The following FMN1 variants were observed in gnomAD, a reference collection of about 807,000 sequenced individuals.
FMN1 encodes the protein formin-1.
In FMN1, 110 loss-of-function variants were observed where a neutral mutation model predicts 132.4. The observed-to-expected ratio is 0.83, with a 90% CI of 0.71 to 0.97. FMN1 has a LOEUF of 0.97. Ranked by LOEUF, FMN1 falls within the 50% of genes least tolerant of loss-of-function variation. The pLI is 0.00. For synonymous variants in FMN1, 722 were observed against 651.7 expected, an observed-to-expected ratio of 1.11 and a Z score of -1.64; for missense variants, 1,792 against 1,705.3, an observed-to-expected ratio of 1.05 and a Z score of -0.90.
At chr15:32,880,265 C>A (rs1567316810) in intron 16 of FMN1, among the ~76,000 whole-genome samples, 1 of 152,122 alleles carries the variant, frequency 6.6e-6, no homozygotes, top group African/African-American at 2.4e-5. Flanking sequence ...CCGCACATTT[C>A]CTCTTTCTCT....
chr15:32,925,187 A>G (rs191344653), intron 10 of FMN1, among the ~76,000 whole-genome samples: 98 of 152,370 alleles, frequency 6.4e-4, no homozygotes, highest in African/African-American at 2.3e-3. Context: ...AACCAAATGA[A>G]GGAAAGTATT....
intron 7 of FMN1, among the ~76,000 whole-genome samples, chr15:32,986,300 C>T (rs757898889): frequency 6.6e-6 from 1 of 152,076 alleles, no homozygotes; most frequent in Non-Finnish European, 1.5e-5. Flanking sequence ...AGCTTATATG[C>T]TTGAAAACAA....
intron 6 of FMN1, among the ~76,000 whole-genome samples, chr15:33,046,614 T>G (rs912781841): frequency 6.6e-6 from 1 of 152,198 alleles, no homozygotes; most frequent in Non-Finnish European, 1.5e-5. Context: ...TTCATAATTT[T>G]TCTTTGTGAT....
At chr15:32,985,846 T>C (rs140730951) in intron 7 of FMN1, among the ~76,000 whole-genome samples, 2 of 152,232 alleles carry the variant, frequency 1.3e-5, no homozygotes, top group Admixed American at 6.5e-5. Flanking sequence ...AAAATAAAGA[T>C]ATTAATATTG....
chr15:33,078,929 A>C (rs1401762511), intron 5 of FMN1, among the ~76,000 whole-genome samples: 2 of 152,202 alleles, frequency 1.3e-5, no homozygotes, highest in Non-Finnish European at 2.9e-5. Flanking sequence ...TGCAGACAGA[A>C]CCTTAAGCTT....
chr15:33,131,195 G>C, intron 4 of FMN1, among the ~76,000 whole-genome samples: 1 of 152,002 alleles, frequency 6.6e-6, no homozygotes, highest in East Asian at 1.9e-4. Flanking sequence ...TAGGTGTGGT[G>C]GTGGACACCT....
At chr15:32,937,168 T>C (rs1439656544) in intron 9 of FMN1, among the ~76,000 whole-genome samples, 1 of 152,186 alleles carries the variant, frequency 6.6e-6, no homozygotes, top group Non-Finnish European at 1.5e-5. Flanking sequence ...CATATCATCA[T>C]CTTTCTTCTC....
chr15:33,154,453 G>T lies in FMN1; in HGVS notation c.462C>A (p.His154Gln), dbSNP rs1377817086. The T allele has an allele frequency of 2.6e-6, 4 of 1,536,020 alleles. No homozygotes were observed. Among genetic ancestry groups the T allele is most frequent in the Non-Finnish European group, 3.5e-6 (4 of 1,146,908 alleles). ...PVGPLNKRST[H>Q]GNKKPRRSSG... ...TAGACCTCCGAGGCTTTTTGTTCCC[G>T]TGGGTGCTCCTCTTATTGAGAGGGC... The change falls in exon 4 of 21, where the codon CAC becomes CAA. Residue 154 changes from histidine to glutamine, a missense_variant. By Grantham distance (24) the His-to-Gln change is conservative. This residue lies in a region of FMN1 where 638 missense variants were observed against 645.2 expected (regional missense o/e 0.99). Transcript: ENST00000616417.
At chr15:32,917,403 T>G (rs907267912) in intron 10 of FMN1, among the ~76,000 whole-genome samples, 1 of 152,186 alleles carries the variant, frequency 6.6e-6, no homozygotes, top group Non-Finnish European at 1.5e-5. Flanking sequence ...ATGAGACGCT[T>G]AAGGGCACCA....
At chr15:33,063,731 A>T (rs747979693) in intron 6 of FMN1, 6 of 152,252 alleles carry the variant, frequency 3.9e-5, no homozygotes, top group Non-Finnish European at 5.9e-5. Context: ...TGGGTTAAAC[A>T]GAAGTTTAGC....
intron 10 of FMN1, among the ~76,000 whole-genome samples, chr15:32,912,891 A>G (rs2060598110): frequency 6.6e-6 from 1 of 152,236 alleles, no homozygotes; most frequent in South Asian, 2.1e-4. Flanking sequence ...ATATATGCTT[A>G]GCATAGCACG....
chr15:32,874,114 T>G (rs1206736327), intron 16 of FMN1, among the ~76,000 whole-genome samples: 1 of 148,984 alleles, frequency 6.7e-6, no homozygotes, highest in African/African-American at 2.5e-5. Flanking sequence ...CTCTGCCTCC[T>G]GGGTTCAAGC....
At chr15:33,001,099 A>G (rs370779388) in intron 7 of FMN1, among the ~76,000 whole-genome samples, 2 of 152,210 alleles carry the variant, frequency 1.3e-5, no homozygotes, top group Admixed American at 6.5e-5. Context: ...CCTGGCCAAC[A>G]TGGCCAAACC....
At chr15:33,194,357 T>C (rs1247064589) in intron 1 of FMN1, among the ~76,000 whole-genome samples, 1 of 137,710 alleles carries the variant, frequency 7.3e-6, no homozygotes, top group African/African-American at 2.7e-5. Flanking sequence ...GTGAGGAGCG[T>C]TGGGATGACC....
In FMN1 at chr15:32,781,569, T is replaced by C. The variant is rs116122520; in HGVS notation, c.4131-4650A>G. Among the ~76,000 whole-genome samples the C allele has an allele frequency of 6.5e-3, 995 of 152,342 alleles. 10 individuals carry two copies. The highest frequency in any genetic ancestry group is 0.023 in the African/African-American group (966 of 41,570). ...CTGGTAGTGGGCCAGATCCGGCTCA[T>C]AGGCTGTAGTCTGCCAATTCCTGGA... On this transcript the variant is annotated intron_variant, in intron 19 of 20. Transcript: ENST00000616417.
chr15:32,921,678 T>C (rs1008181168), intron 10 of FMN1, among the ~76,000 whole-genome samples: 55 of 117,532 alleles, frequency 4.7e-4, no homozygotes, highest in African/African-American at 2.4e-3. Context: ...GTCTTTTTTT[T>C]CTTTTTTTTT....
intron 17 of FMN1, among the ~76,000 whole-genome samples, chr15:32,856,641 G>A (rs1336319309): frequency 6.6e-6 from 1 of 152,188 alleles, no homozygotes; most frequent in Non-Finnish European, 1.5e-5. Context: ...CCATCCACCT[G>A]TCCAGGTTGA....
intron 4 of FMN1, among the ~76,000 whole-genome samples, chr15:33,129,544 C>G (rs972875204): frequency 1.3e-5 from 2 of 152,172 alleles, no homozygotes; most frequent in Non-Finnish European, 2.9e-5. Flanking sequence ...TCCTGGCATG[C>G]ATGCCATCCC....
At chr15:33,041,753 T>C (rs926449146) in intron 6 of FMN1, among the ~76,000 whole-genome samples, 13 of 152,060 alleles carry the variant, frequency 8.5e-5, no homozygotes, top group African/African-American at 1.2e-4. Flanking sequence ...TTGTGCATGA[T>C]TGGCAGAAAT....
Sources: gnomAD v4.1 joint callset for allele counts (sites outside exome capture counted in the v4.1 genomes callset) on GRCh38, gnomAD v4.1.1 for gene constraint, gnomAD v4.1.1 regional missense constraint, MANE v1.5 for transcripts, NCBI Gene and HGNC (gene_info 2026-07-23, HGNC 2026-07-21) for gene names.